The following SPMIP11 variants were observed in gnomAD, a reference collection of about 807,000 sequenced individuals.
The protein encoded by SPMIP11 is long intergenic non-protein coding RNA 935.
chr12:48,728,980 C>G, the SPMIP11 span, among the ~76,000 whole-genome samples: 1 of 152,078 alleles, frequency 6.6e-6, no homozygotes, highest in Non-Finnish European at 1.5e-5. Flanking sequence ...CCTAGCCATG[C>G]CTCACACATA....
At chr12:48,759,294 A>G in the SPMIP11 span, 1 of 702,892 alleles carries the variant, frequency 1.4e-6, no homozygotes, top group East Asian at 2.7e-5. Context: ...GCCACACAAG[A>G]TACCACGAAG....
At chr12:48,757,645 CAA>C in the SPMIP11 span, among the ~76,000 whole-genome samples, 8 of 93,562 alleles carry the variant, frequency 8.6e-5, no homozygotes, top group Admixed American at 3.0e-4. Flanking sequence ...GACTCTATCT[CAA>C]AAAAATAAAA....
chr12:48,736,699 G>GTTTT, the SPMIP11 span, among the ~76,000 whole-genome samples: 1 of 144,316 alleles, frequency 6.9e-6, no homozygotes, highest in Non-Finnish European at 1.5e-5. Flanking sequence ...TGGGTCGCAT[G>GTTTT]TTTTTTTTTT....
the SPMIP11 span, chr12:48,764,987 G>A: frequency 1.0e-5 from 7 of 702,782 alleles, no homozygotes; most frequent in Middle Eastern, 2.3e-4. Flanking sequence ...TAAAAAGCGC[G>A]ATGACCAGGT....
the SPMIP11 span, among the ~76,000 whole-genome samples, chr12:48,731,469 C>T: frequency 1.3e-5 from 2 of 150,916 alleles, no homozygotes; most frequent in African/African-American, 2.4e-5. Flanking sequence ...CCAGCCTGGG[C>T]GACAGAGCGA....
At chr12:48,732,343 T>C in the SPMIP11 span, among the ~76,000 whole-genome samples, 7 of 152,236 alleles carry the variant, frequency 4.6e-5, no homozygotes, top group Middle Eastern at 3.4e-3. Flanking sequence ...TTGAACTAAA[T>C]ATGACCAATT....
chr12:48,762,588 G>C, the SPMIP11 span, among the ~76,000 whole-genome samples: 1 of 150,008 alleles, frequency 6.7e-6, no homozygotes, highest in African/African-American at 2.5e-5. Flanking sequence ...GGCTGGTCTT[G>C]AACTCCTGAC....
the SPMIP11 span, among the ~76,000 whole-genome samples, chr12:48,729,557 A>T: frequency 1.3e-5 from 2 of 151,734 alleles, no homozygotes; most frequent in Non-Finnish European, 2.9e-5. Flanking sequence ...AATACAAAAA[A>T]AAATTAGCTG....
the SPMIP11 span, among the ~76,000 whole-genome samples, chr12:48,736,925 A>G: frequency 6.6e-6 from 1 of 151,512 alleles, no homozygotes; most frequent in Admixed American, 6.6e-5. Flanking sequence ...ATTCCTTTGT[A>G]TGTAACTAAT....
chr12:48,732,013 G>A, the SPMIP11 span, among the ~76,000 whole-genome samples: 1 of 151,928 alleles, frequency 6.6e-6, no homozygotes, highest in African/African-American at 2.4e-5. Flanking sequence ...GCCAGGGGTG[G>A]TGGCACACAC....
At chr12:48,758,294 T>G in the SPMIP11 span, among the ~76,000 whole-genome samples, 1 of 152,236 alleles carries the variant, frequency 6.6e-6, no homozygotes, top group South Asian at 2.1e-4. Flanking sequence ...AATCATGCCA[T>G]AGACCTGGTC....
the SPMIP11 span, among the ~76,000 whole-genome samples, chr12:48,729,849 G>A: frequency 6.6e-6 from 1 of 152,006 alleles, no homozygotes; most frequent in Non-Finnish European, 1.5e-5. Flanking sequence ...GGGTACCCCT[G>A]ATGGACCTTA....
At chr12:48,759,261 G>A in the SPMIP11 span, 1 of 703,008 alleles carries the variant, frequency 1.4e-6, no homozygotes, top group Non-Finnish European at 2.6e-6. Context: ...CAAAAGATGG[G>A]AATTATTCCG....
the SPMIP11 span, among the ~76,000 whole-genome samples, chr12:48,764,097 C>T: frequency 2.0e-5 from 3 of 152,000 alleles, no homozygotes; most frequent in Non-Finnish European, 4.4e-5. Flanking sequence ...ATTCTCCTGC[C>T]TCAGCCTCCT....
chr12:48,728,009 C>T, the SPMIP11 span, among the ~76,000 whole-genome samples: 2 of 151,184 alleles, frequency 1.3e-5, no homozygotes, highest in African/African-American at 4.9e-5. Flanking sequence ...CATGATCACA[C>T]CACCGTACTC....
the SPMIP11 span, chr12:48,727,584 T>C: frequency 2.8e-6 from 2 of 701,976 alleles, no homozygotes; most frequent in South Asian, 3.0e-5. Context: ...GGGTAGAGGG[T>C]TAGAAGGGCC....
the SPMIP11 span, chr12:48,768,442 T>A: frequency 7.8e-6 from 9 of 1,151,118 alleles, no homozygotes; most frequent in Non-Finnish European, 1.1e-5. Context: ...CAGACGAGCA[T>A]GATCCAAGCA....
chr12:48,730,892 C>T, the SPMIP11 span, among the ~76,000 whole-genome samples: 30 of 152,138 alleles, frequency 2.0e-4, 1 homozygote, highest in Middle Eastern at 0.014. Flanking sequence ...GAGGCGTGAT[C>T]GCATCATTGC....
chr12:48,730,900 T>C, the SPMIP11 span, among the ~76,000 whole-genome samples: 2 of 152,120 alleles, frequency 1.3e-5, no homozygotes, highest in Non-Finnish European at 2.9e-5. Flanking sequence ...ATCGCATCAT[T>C]GCACTCCAGC....
Sources: gnomAD v4.1 joint callset for allele counts (sites outside exome capture counted in the v4.1 genomes callset) on GRCh38, gnomAD v4.1.1 for gene constraint, MANE v1.5 for transcripts, NCBI Gene and HGNC (gene_info 2026-07-23, HGNC 2026-07-21) for gene names.